The following CHL1 variants were observed in gnomAD, a reference collection of about 807,000 sequenced individuals.
The protein encoded by CHL1 is neural cell adhesion molecule L1-like protein.
A neutral mutation model predicts 141.9 loss-of-function variants in CHL1; 96 were observed. The observed-to-expected ratio is 0.68, with a 90% CI of 0.57 to 0.80. The LOEUF is 0.80. Among genes scored for constraint, CHL1 ranks in the 30% least tolerant of loss-of-function variants. The pLI, the probability that CHL1 is intolerant of heterozygous loss-of-function variation, is 0.00. For synonymous variants in CHL1, 613 were observed against 502.2 expected (o/e 1.22, Z -2.95); for missense variants, 1,820 against 1,457.2 (o/e 1.25, Z -4.05).
At chr3:351,460 A>C (rs1235333993) in intron 10 of CHL1, among the ~76,000 whole-genome samples, 1 of 152,108 alleles carries the variant, frequency 6.6e-6, no homozygotes, top group African/African-American at 2.4e-5. Context: ...TTTTTTTTCT[A>C]AAGTGTGGAG....
intron 2 of CHL1, among the ~76,000 whole-genome samples, chr3:261,633 A>T (rs373417589): frequency 6.6e-6 from 1 of 152,162 alleles, no homozygotes; most frequent in African/African-American, 2.4e-5. Context: ...TTTAAAAACT[A>T]TATGGCTCTT....
chr3:337,341 C>A (rs557104415), intron 5 of CHL1, among the ~76,000 whole-genome samples: 5 of 147,674 alleles, frequency 3.4e-5, no homozygotes, highest in Non-Finnish European at 7.4e-5. Context: ...CAGGCGCCCG[C>A]CACCACGCCC....
intron 2 of CHL1, among the ~76,000 whole-genome samples, chr3:293,765 T>A (rs547797148): frequency 6.6e-5 from 10 of 152,150 alleles, no homozygotes; most frequent in African/African-American, 2.2e-4. Flanking sequence ...GTGTGTTAAA[T>A]TGTGATTCTT....
chr3:204,833 G>C (rs1699266640), intron 1 of CHL1, among the ~76,000 whole-genome samples: 1 of 151,968 alleles, frequency 6.6e-6, no homozygotes. Flanking sequence ...TGCATTATTT[G>C]TGTGCTTTAT....
chr3:243,061 GGT>G (rs1278234712), intron 1 of CHL1, among the ~76,000 whole-genome samples: 1 of 152,092 alleles, frequency 6.6e-6, no homozygotes, highest in East Asian at 1.9e-4. Flanking sequence ...CAATAAAAGT[GGT>G]ACCATGGCTG....
chr3:270,768 T>G (rs570783858), intron 2 of CHL1, among the ~76,000 whole-genome samples: 1 of 152,366 alleles, frequency 6.6e-6, no homozygotes, highest in South Asian at 2.1e-4. Context: ...AAGGTTCACC[T>G]GGGCTGGCTG....
intron 2 of CHL1, among the ~76,000 whole-genome samples, chr3:257,703 A>G (rs1694308995): frequency 6.6e-6 from 1 of 152,146 alleles, no homozygotes; most frequent in African/African-American, 2.4e-5. Context: ...TCAGCTTGCC[A>G]CAGGTCTATT....
At chr3:254,474 G>A (rs3889386) in intron 2 of CHL1, among the ~76,000 whole-genome samples, 25,212 of 152,090 alleles carry the variant, frequency 0.17, 2,349 homozygotes, top group East Asian at 0.39. Flanking sequence ...GTATTTTCTA[G>A]GGTCTTAAAG....
intron 10 of CHL1, among the ~76,000 whole-genome samples, chr3:354,187 T>G (rs1703505101): frequency 6.6e-6 from 1 of 152,184 alleles, no homozygotes; most frequent in Non-Finnish European, 1.5e-5. Flanking sequence ...AAATAAGCAT[T>G]AAATATTTTA....
chr3:405,467 G>C (rs1476429042), intron 27 of CHL1, 28 bp from the exon 28 acceptor site: 11 of 1,420,378 alleles, frequency 7.7e-6, no homozygotes, highest in Non-Finnish European at 1.1e-5. Flanking sequence ...AGATTTTGTT[G>C]AGCTATTTTT....
At chr3:396,890 T>G (rs1332737598) in intron 24 of CHL1, among the ~76,000 whole-genome samples, 1 of 152,178 alleles carries the variant, frequency 6.6e-6, no homozygotes, top group African/African-American at 2.4e-5. Flanking sequence ...GAGATACATC[T>G]TGTTATCAGT....
At position 398,277 on chromosome 3, in the gene CHL1, C is replaced by T. The variant is rs558149526; in HGVS notation, c.3145C>T (p.Pro1049Ser). 1 of 1,606,630 alleles carries T rather than the reference C, an allele frequency of 6.2e-7. No individual in the cohort carries two copies. The highest frequency in any genetic ancestry group is 1.3e-5 in the African/African-American group (1 of 74,772). Residue 1049 changes from proline (P) to serine (S), a missense_variant, in exon 25 of 28, where the codon CCA becomes TCA. Transcript: ENST00000256509. Reference sequence around the variant, plus strand: ...AGTAAATCTTACTCAAAAGACTCACCCAATAGAGGTATTTGAGCCGGGAGC... The same window carrying T: ...AGTAAATCTTACTCAAAAGACTCACTCAATAGAGGTATTTGAGCCGGGAGC... ...SGVNLTQKTH[P>S]IEVFEPGAEH... is the part of the protein sequence containing the mutation.
intron 2 of CHL1, among the ~76,000 whole-genome samples, chr3:276,733 C>CA (rs762980316): frequency 5.9e-5 from 9 of 151,466 alleles, no homozygotes; most frequent in East Asian, 1.9e-4. Context: ...ACTAAAAATA[C>CA]AAAAAATTAG....
intron 9 of CHL1, among the ~76,000 whole-genome samples, chr3:345,346 C>A (rs1026725777): frequency 3.3e-5 from 5 of 151,978 alleles, no homozygotes; most frequent in Non-Finnish European, 7.4e-5. Context: ...ACTCTGCTGC[C>A]CTTTGCACAC....
chr3:286,358 C>A (rs1295174363), intron 2 of CHL1, among the ~76,000 whole-genome samples: 3 of 152,088 alleles, frequency 2.0e-5, no homozygotes, highest in Non-Finnish European at 2.9e-5. Context: ...TGCCTGTAAT[C>A]CCAGCACTTT....
intron 1 of CHL1, among the ~76,000 whole-genome samples, chr3:218,976 C>A (rs930675430): frequency 6.6e-6 from 1 of 151,996 alleles, no homozygotes; most frequent in Non-Finnish European, 1.5e-5. Context: ...GAAACCCCGT[C>A]AGTAAATAAA....
chr3:377,784 C>A, intron 15 of CHL1, 34 bp from the exon 16 acceptor site: 1 of 1,539,234 alleles, frequency 6.5e-7, no homozygotes, highest in South Asian at 1.2e-5. Context: ...CTATTGTTTT[C>A]CTTCTCATCA....
At chr3:379,637 A>G (rs1706782975) in intron 16 of CHL1, among the ~76,000 whole-genome samples, 2 of 152,238 alleles carry the variant, frequency 1.3e-5, no homozygotes, top group South Asian at 4.1e-4. Context: ...CAAAATTTAA[A>G]AGTTCATTCT....
In CHL1 at chr3:391,044, T is replaced by G; in HGVS notation, c.2676T>G (p.Ser892=). The change falls in exon 22 of 28, where the codon TCT becomes TCG. Residue 892 remains serine (S), a synonymous_variant. Transcript: ENST00000256509. ...TAAGATTTTCAGGACAAAGAAACTC[T>G]GGAATGGTTCCTTCCTTAGATGCCT... The part of the protein sequence containing the change: ...NILRFSGQRN[S]GMVPSLDAFS... 1.2e-6 allele frequency: 2 copies of G among 1,613,934 alleles called. No individual in the cohort carries two copies. The highest frequency in any genetic ancestry group is 1.7e-6 in the Non-Finnish European group (2 of 1,179,742).
Sources: gnomAD v4.1 joint callset for allele counts (sites outside exome capture counted in the v4.1 genomes callset) on GRCh38, gnomAD v4.1.1 for gene constraint, MANE v1.5 for transcripts, NCBI Gene and HGNC (gene_info 2026-07-23, HGNC 2026-07-21) for gene names.